The following PRMT8 variants were observed in gnomAD, a reference collection of about 807,000 sequenced individuals.
PRMT8 encodes the protein protein arginine N-methyltransferase 8.
Under a neutral mutation model 47.1 loss-of-function variants are expected in PRMT8, and 7 were observed. That is an observed-to-expected ratio of 0.15 (90% CI 0.08 to 0.28). The LOEUF (loss-of-function observed/expected upper bound fraction) is 0.28. PRMT8 is among the 10% of genes least tolerant of loss of function. The pLI, the probability that PRMT8 is intolerant of heterozygous loss-of-function variation, is 1.00. For synonymous variants in PRMT8, 188 were observed against 186.5 expected (o/e 1.01, Z -0.07); for missense variants, 237 against 505.4 (o/e 0.47, Z 5.09).
intron 1 of PRMT8, among the ~76,000 whole-genome samples, chr12:3,426,550 A>G (rs960672544): frequency 6.6e-6 from 1 of 152,336 alleles, no homozygotes; most frequent in African/African-American, 2.4e-5. Flanking sequence ...CAGGAGGGAT[A>G]GAGGTACTTT....
chr12:3,550,611 C>T lies in PRMT8; in HGVS notation c.417+520C>T, dbSNP rs80012887. On this transcript the variant is annotated intron_variant, in intron 3 of 9. Coordinates refer to ENST00000382622, the MANE Select transcript of PRMT8 (RefSeq NM_019854.5). The surrounding 1 kb of genome is among the most constrained non-coding windows in gnomAD (Gnocchi z 5.1). ...CAGTGCCCAGCATATGGCAAATGCT[C>T]GGCGTCTATTATTATAGTTGAGATG... The T allele has an allele frequency of 0.03, 4,609 of 152,486 alleles. 233 individuals carry two copies. Among genetic ancestry groups the T allele is most frequent in the African/African-American group, 0.1 (4,345 of 41,520 alleles). 9.4% of individuals were successfully genotyped at this position (152,486 alleles called of 1,614,324 possible).
At chr12:3,384,655 A>G (rs1447240193) in intron 1 of PRMT8, among the ~76,000 whole-genome samples, 1 of 151,966 alleles carries the variant, frequency 6.6e-6, no homozygotes, top group Non-Finnish European at 1.5e-5. Flanking sequence ...TTTTAATCAC[A>G]AGGAAAATCT....
chr12:3,413,781 AT>A (rs1362645479), intron 1 of PRMT8, among the ~76,000 whole-genome samples: 2 of 152,250 alleles, frequency 1.3e-5, no homozygotes, highest in East Asian at 1.9e-4. Context: ...CCAATAAAAA[AT>A]AATGCAAATT....
At chr12:3,554,110 C>G (rs745807417) in intron 4 of PRMT8, among the ~76,000 whole-genome samples, 9 of 152,226 alleles carry the variant, frequency 5.9e-5, no homozygotes, top group Admixed American at 4.6e-4. Flanking sequence ...CCAGGGGCAT[C>G]ATGGCAGACC....
chr12:3,554,375 G>A (rs1866487401), intron 4 of PRMT8, among the ~76,000 whole-genome samples: 1 of 152,208 alleles, frequency 6.6e-6, no homozygotes, highest in Non-Finnish European at 1.5e-5. Context: ...CTGACAGCAG[G>A]ATTAGATGCA....
chr12:3,426,939 C>CA (rs1864612180), intron 1 of PRMT8, among the ~76,000 whole-genome samples: 5 of 151,928 alleles, frequency 3.3e-5, no homozygotes, highest in Non-Finnish European at 5.9e-5. Flanking sequence ...AGAACGTGAT[C>CA]GTCAGGCTGG....
intron 2 of PRMT8, among the ~76,000 whole-genome samples, chr12:3,548,188 T>C (rs1866359001): frequency 6.6e-6 from 1 of 152,052 alleles, no homozygotes. Context: ...ACTTACACTA[T>C]ACACAAAAAT....
chr12:3,481,537 A>G (rs1865273715), intron 1 of PRMT8, among the ~76,000 whole-genome samples: 1 of 152,154 alleles, frequency 6.6e-6, no homozygotes, highest in Admixed American at 6.5e-5. Context: ...TCCAGCTCTG[A>G]GAGTACTGGG....
At chr12:3,568,555 T>A in intron 4 of PRMT8, 151 bp from the exon 5 acceptor site, 1 of 806,694 alleles carries the variant, frequency 1.2e-6, no homozygotes, top group Non-Finnish European at 2.0e-6. Context: ...TATGTTGGTA[T>A]AAACTAGTTT....
At chr12:3,414,497 C>T (rs1478817575) in intron 1 of PRMT8, among the ~76,000 whole-genome samples, 3 of 152,156 alleles carry the variant, frequency 2.0e-5, no homozygotes, top group African/African-American at 7.2e-5. Flanking sequence ...AAGGAGCCTG[C>T]AAGCGAGTGT....
intron 1 of PRMT8, among the ~76,000 whole-genome samples, chr12:3,525,667 T>C (rs1358163612): frequency 1.3e-5 from 2 of 152,206 alleles, no homozygotes; most frequent in Non-Finnish European, 2.9e-5. Context: ...ATATGACAAG[T>C]AAATGCTTAA....
At chr12:3,556,168 A>G (rs1279543754) in intron 4 of PRMT8, among the ~76,000 whole-genome samples, 1 of 152,130 alleles carries the variant, frequency 6.6e-6, no homozygotes, top group Admixed American at 6.5e-5. Flanking sequence ...ACGTGCGTCC[A>G]GAATTTCAGG....
chr12:3,520,846 G>A (rs1225947241), intron 1 of PRMT8, among the ~76,000 whole-genome samples: 1 of 152,142 alleles, frequency 6.6e-6, no homozygotes, highest in Admixed American at 6.5e-5. Flanking sequence ...GAAAAATCTG[G>A]ACAAAGCAAG....
At chr12:3,554,502 T>G (rs866090303) in intron 4 of PRMT8, among the ~76,000 whole-genome samples, 1 of 152,146 alleles carries the variant, frequency 6.6e-6, no homozygotes, top group South Asian at 2.1e-4. Context: ...AGAGAGGAAC[T>G]GGTAGACAGG....
intron 1 of PRMT8, among the ~76,000 whole-genome samples, chr12:3,394,290 G>A (rs577187143): frequency 6.6e-6 from 1 of 152,320 alleles, no homozygotes; most frequent in African/African-American, 2.4e-5. Context: ...TGTTGTGCCG[G>A]TTTTCAAAGG....
chr12:3,586,934 C>T (rs1591617512), intron 8 of PRMT8, among the ~76,000 whole-genome samples: 1 of 152,234 alleles, frequency 6.6e-6, no homozygotes, highest in East Asian at 1.9e-4. Context: ...GTTGCTTTCT[C>T]AGCCACCTTC....
At chr12:3,400,220 G>A (rs1377214275) in intron 1 of PRMT8, among the ~76,000 whole-genome samples, 1 of 151,922 alleles carries the variant, frequency 6.6e-6, no homozygotes, top group Non-Finnish European at 1.5e-5. Flanking sequence ...ACAAATCCAA[G>A]AGCTCTTGTT....
chr12:3,438,477 C>T (rs1012705267), intron 1 of PRMT8, among the ~76,000 whole-genome samples: 9 of 152,350 alleles, frequency 5.9e-5, no homozygotes, highest in Admixed American at 5.2e-4. Flanking sequence ...CTTCCCTTCC[C>T]GCCATGATAT....
At chr12:3,417,728 T>G (rs1864497675) in intron 1 of PRMT8, among the ~76,000 whole-genome samples, 1 of 152,306 alleles carries the variant, frequency 6.6e-6, no homozygotes, top group Middle Eastern at 3.4e-3. Flanking sequence ...TTCACTCCAG[T>G]GAGGTTTATG....
Sources: allele counts gnomAD v4.1 joint callset (sites outside exome capture counted in the v4.1 genomes callset), GRCh38; gene constraint gnomAD v4.1.1; non-coding constraint Gnocchi (gnomAD v3.1); transcripts MANE v1.5; gene names NCBI Gene and HGNC (gene_info 2026-07-23, HGNC 2026-07-21).